Variants in KCNH8 observed in about 807,000 individuals in gnomAD.
The protein encoded by KCNH8 is potassium voltage-gated channel subfamily H member 8, also known as voltage-gated delayed rectifier potassium channel KCNH8.
In KCNH8, 70 loss-of-function variants were observed where a neutral mutation model predicts 103.6. That is an observed-to-expected ratio of 0.68 (90% CI 0.56 to 0.82). KCNH8 has a LOEUF of 0.82. Ranked by LOEUF, KCNH8 falls within the 40% of genes least tolerant of loss-of-function variation. KCNH8 has a pLI of 0.00. For missense variants in KCNH8, 1,217 were observed against 1,329.9 expected (o/e 0.92, Z 1.32); for synonymous variants, 498 against 489.4 (o/e 1.02, Z -0.23).
chr3:19,277,353 C>T (rs1559455129), intron 2 of KCNH8, among the ~76,000 whole-genome samples: 1 of 151,984 alleles, frequency 6.6e-6, no homozygotes, highest in Admixed American at 6.6e-5. Flanking sequence ...CCTTGAACAC[C>T]GGAGTTTGAG....
In KCNH8 at chr3:19,148,640, C is replaced by T. The variant is rs989413628; in HGVS notation, c.-80C>T. On this transcript the variant is annotated 5_prime_UTR_variant, in exon 1 of 16. Coordinates refer to ENST00000328405, the MANE Select transcript of KCNH8 (RefSeq NM_144633.3). ...CCTTCCCTGCCGTCATCAGGTTCCC[C>T]TTCTCCCTTCTTGGCACTTTCCTTT... The T allele has an allele frequency of 5.0e-6, 7 of 1,402,416 alleles. No individual in the cohort carries two copies. The South Asian group carries it at 8.0e-5, about 16-fold the overall frequency. The allele number at this position is 1,402,416 out of a possible 1,614,324, so 86.9% of individuals were successfully genotyped here. A position where few individuals can be genotyped will look rare whatever the true frequency, so the allele number is the denominator to read the frequency against.
At chr3:19,278,211 T>C (rs1255240015) in intron 2 of KCNH8, among the ~76,000 whole-genome samples, 2 of 152,090 alleles carry the variant, frequency 1.3e-5, no homozygotes, top group Non-Finnish European at 2.9e-5. Flanking sequence ...GCATGCTAAG[T>C]ATAAAGAGTC....
At chr3:19,265,639 C>G (rs1399108096) in intron 2 of KCNH8, among the ~76,000 whole-genome samples, 1 of 151,876 alleles carries the variant, frequency 6.6e-6, no homozygotes, top group Non-Finnish European at 1.5e-5. Flanking sequence ...TTTCCCTTAC[C>G]TTATCAGAAA....
intron 1 of KCNH8, among the ~76,000 whole-genome samples, chr3:19,209,758 T>G (rs2063751653): frequency 6.6e-6 from 1 of 152,076 alleles, no homozygotes; most frequent in East Asian, 1.9e-4. Context: ...AGGGAGGCAC[T>G]GCCTGTTCAC....
chr3:19,191,012 C>G (rs2063548393), intron 1 of KCNH8, among the ~76,000 whole-genome samples: 1 of 151,860 alleles, frequency 6.6e-6, no homozygotes. Context: ...AGATTACTTT[C>G]ATCAACCTTT....
At chr3:19,415,015 T>G (rs1004232961) in intron 7 of KCNH8, among the ~76,000 whole-genome samples, 1 of 151,822 alleles carries the variant, frequency 6.6e-6, no homozygotes, top group African/African-American at 2.4e-5. Context: ...TGCTCCCTCT[T>G]TCTCTCCTCT....
chr3:19,445,785 T>C (rs1039949035), intron 8 of KCNH8, among the ~76,000 whole-genome samples: 2 of 151,956 alleles, frequency 1.3e-5, no homozygotes, highest in Non-Finnish European at 2.9e-5. Context: ...TCTAAACCAT[T>C]TGCTTACAAT....
intron 5 of KCNH8, among the ~76,000 whole-genome samples, chr3:19,352,369 T>C (rs1210926436): frequency 3.3e-5 from 5 of 152,142 alleles, no homozygotes; most frequent in Admixed American, 6.6e-5. Context: ...AACTCAGCTC[T>C]GCACCAAGCG....
At chr3:19,473,221 A>G (rs543511917) in intron 11 of KCNH8, among the ~76,000 whole-genome samples, 1 of 152,252 alleles carries the variant, frequency 6.6e-6, no homozygotes, top group Non-Finnish European at 1.5e-5. Context: ...CTTCTGATTT[A>G]TAGCATAAGC....
At chr3:19,440,431 G>A (rs1478841816) in intron 8 of KCNH8, among the ~76,000 whole-genome samples, 1 of 152,134 alleles carries the variant, frequency 6.6e-6, no homozygotes, top group African/African-American at 2.4e-5. Context: ...CACATGGCTG[G>A]GGAGGCCTCA....
intron 11 of KCNH8, among the ~76,000 whole-genome samples, chr3:19,464,094 A>C (rs1386135120): frequency 3.9e-5 from 6 of 152,184 alleles, no homozygotes; most frequent in Non-Finnish European, 7.4e-5. Context: ...TACCTAAGAC[A>C]GTCCAGAAGA....
At chr3:19,220,858 T>C (rs946542070) in intron 1 of KCNH8, among the ~76,000 whole-genome samples, 1 of 152,150 alleles carries the variant, frequency 6.6e-6, no homozygotes, top group African/African-American at 2.4e-5. Context: ...GTAGAGGTAG[T>C]TCCTTTTGAT....
chr3:19,327,414 C>T (rs1177784325), intron 3 of KCNH8, among the ~76,000 whole-genome samples: 1 of 152,140 alleles, frequency 6.6e-6, no homozygotes, highest in Non-Finnish European at 1.5e-5. Flanking sequence ...CTGAGCCTCC[C>T]AAGTAGCTGG....
chr3:19,294,530 T>C lies in KCNH8; in HGVS notation c.442+13201T>C, dbSNP rs1011056330. On this transcript the variant is annotated intron_variant, in intron 3 of 15. Transcript: ENST00000328405. ...GCTTCAGGGACATCTATACCAACTC[T>C]TTGTCAGATATGTGATGGCACTGGA... Among the ~76,000 whole-genome samples the C allele has an allele frequency of 3.3e-5, 5 of 152,202 alleles. No individual in the cohort carries two copies. The East Asian group carries it at 7.7e-4, about 23-fold the overall frequency.
intron 7 of KCNH8, among the ~76,000 whole-genome samples, chr3:19,410,148 A>G (rs1406901829): frequency 1.3e-5 from 2 of 152,120 alleles, no homozygotes; most frequent in Non-Finnish European, 2.9e-5. Context: ...ATACTTGAAT[A>G]AGTCTCAATA....
intron 1 of KCNH8, among the ~76,000 whole-genome samples, chr3:19,158,276 T>C (rs529732449): frequency 3.0e-4 from 45 of 151,804 alleles, no homozygotes; most frequent in African/African-American, 9.6e-4. Flanking sequence ...TATTCCTCTA[T>C]GTAATTCTAT....
intron 3 of KCNH8, among the ~76,000 whole-genome samples, chr3:19,292,839 CTTTG>C (rs748371570): frequency 6.6e-5 from 10 of 152,122 alleles, no homozygotes; most frequent in Non-Finnish European, 1.0e-4. Flanking sequence ...GAGGGTTCTC[CTTTG>C]TTTGTAGGAA....
chr3:19,532,326 C>A (rs969719002), intron 15 of KCNH8, among the ~76,000 whole-genome samples: 3 of 152,200 alleles, frequency 2.0e-5, no homozygotes, highest in African/African-American at 7.2e-5. Context: ...CTGATGCGTT[C>A]CAGGACTCTC....
intron 1 of KCNH8, among the ~76,000 whole-genome samples, chr3:19,233,646 G>A (rs2064023191): frequency 6.6e-6 from 1 of 152,178 alleles, no homozygotes; most frequent in Non-Finnish European, 1.5e-5. Flanking sequence ...CTGTCTGTGT[G>A]GAGTTGGCTT....
Sources: allele counts gnomAD v4.1 joint callset (sites outside exome capture counted in the v4.1 genomes callset), GRCh38; gene constraint gnomAD v4.1.1; transcripts MANE v1.5; gene names NCBI Gene and HGNC (gene_info 2026-07-23, HGNC 2026-07-21).